The following UTRN variants were observed in gnomAD, a reference collection of about 807,000 sequenced individuals.
UTRN encodes dystrophin-related protein 1.
Under a neutral mutation model 463.9 loss-of-function variants are expected in UTRN, and 283 were observed. The ratio of observed to expected loss-of-function variants is 0.61; its 90% CI spans 0.55 to 0.67. The LOEUF (loss-of-function observed/expected upper bound fraction) is 0.67, where lower values mean the gene tolerates loss of function less well. Among genes scored for constraint, UTRN ranks in the 30% least tolerant of loss-of-function variants. UTRN has a pLI of 0.00. For synonymous variants in UTRN, 1,442 were observed against 1,431.5 expected (o/e 1.01, Z -0.17); for missense variants, 3,922 against 4,084.3 (o/e 0.96, Z 1.08).
At chr6:144,469,909 C>G (rs190078149) in intron 23 of UTRN, among the ~76,000 whole-genome samples, 4 of 151,870 alleles carry the variant, frequency 2.6e-5, no homozygotes, top group Non-Finnish European at 4.4e-5. Context: ...TGACTCTTAA[C>G]GAGCATGCTG....
chr6:144,690,704 C>G (rs1324619066), intron 52 of UTRN, among the ~76,000 whole-genome samples: 1 of 152,164 alleles, frequency 6.6e-6, no homozygotes, highest in Non-Finnish European at 1.5e-5. Context: ...AGTGCACACA[C>G]AGCACATCCC....
intron 51 of UTRN, among the ~76,000 whole-genome samples, chr6:144,581,304 ATTG>A (rs1471717643): frequency 3.3e-5 from 5 of 152,162 alleles, no homozygotes; most frequent in Non-Finnish European, 7.4e-5. Context: ...ATTCTAAAAG[ATTG>A]TTATTCTTTT....
chr6:144,663,360 C>T (rs751545967), intron 51 of UTRN, among the ~76,000 whole-genome samples: 24 of 116,480 alleles, frequency 2.1e-4, no homozygotes, highest in Non-Finnish European at 4.7e-4. Flanking sequence ...CAACACACCT[C>T]TCTGAGATCC....
At chr6:144,608,724 G>C (rs982934446) in intron 51 of UTRN, among the ~76,000 whole-genome samples, 1 of 152,142 alleles carries the variant, frequency 6.6e-6, no homozygotes, top group Non-Finnish European at 1.5e-5. Flanking sequence ...AAAAGTTCTT[G>C]TGTGGCTATT....
intron 2 of UTRN, among the ~76,000 whole-genome samples, chr6:144,373,985 T>C (rs1420856661): frequency 6.6e-6 from 1 of 152,212 alleles, no homozygotes; most frequent in Non-Finnish European, 1.5e-5. Context: ...GTGTTATCCA[T>C]TTGCTTACAC....
chr6:144,327,562 G>A (rs1015225142), intron 2 of UTRN, among the ~76,000 whole-genome samples: 3 of 152,088 alleles, frequency 2.0e-5, no homozygotes, highest in African/African-American at 7.2e-5. Context: ...GATTTTAATG[G>A]TTGGCTGATT....
At chr6:144,310,948 A>G (rs1806212353) in intron 2 of UTRN, among the ~76,000 whole-genome samples, 1 of 152,242 alleles carries the variant, frequency 6.6e-6, no homozygotes, top group Non-Finnish European at 1.5e-5. Flanking sequence ...TTCAACAGGC[A>G]GTCATGAAAT....
chr6:144,753,168 A>G (rs1791590169), intron 56 of UTRN, among the ~76,000 whole-genome samples: 1 of 152,214 alleles, frequency 6.6e-6, no homozygotes, highest in Non-Finnish European at 1.5e-5. Flanking sequence ...TTGTCCCTCT[A>G]AGTGGAACAG....
At chr6:144,771,429 A>ATTT (rs1793988871) in intron 58 of UTRN, among the ~76,000 whole-genome samples, 2 of 151,754 alleles carry the variant, frequency 1.3e-5, no homozygotes, top group African/African-American at 4.8e-5. Context: ...TATTATTAAT[A>ATTT]TTTTTTATTT....
chr6:144,804,745 A>G (rs1243323256), intron 65 of UTRN, among the ~76,000 whole-genome samples: 1 of 152,128 alleles, frequency 6.6e-6, no homozygotes, highest in Middle Eastern at 3.2e-3. Context: ...TTACATTTCA[A>G]AGAAATGGTT....
intron 2 of UTRN, among the ~76,000 whole-genome samples, chr6:144,329,542 A>G (rs151186627): frequency 6.6e-6 from 1 of 152,222 alleles, no homozygotes; most frequent in East Asian, 1.9e-4. Context: ...CTGAAATAAC[A>G]ACGAGCCAAA....
intron 34 of UTRN, among the ~76,000 whole-genome samples, chr6:144,503,710 G>A (rs1794435305): frequency 6.6e-6 from 1 of 152,086 alleles, no homozygotes; most frequent in Non-Finnish European, 1.5e-5. Context: ...TTTTGCTTAG[G>A]ATTTTCTTGG....
intron 44 of UTRN, 49 bp from the exon 45 acceptor site, chr6:144,539,245 T>G (rs898116872): frequency 6.7e-7 from 1 of 1,503,492 alleles, no homozygotes; most frequent in African/African-American, 1.4e-5. Context: ...TCTTGAATTT[T>G]CCCTTATCTG....
chr6:144,757,236 T>TAAAAAA (rs375711274), intron 57 of UTRN, among the ~76,000 whole-genome samples: 12 of 115,526 alleles, frequency 1.0e-4, no homozygotes, highest in Admixed American at 3.6e-4. Context: ...ACTAGAATTG[T>TAAAAAA]AAAAAAAAAA....
At chr6:144,509,207 C>T (rs1208102509) in intron 34 of UTRN, among the ~76,000 whole-genome samples, 1 of 152,106 alleles carries the variant, frequency 6.6e-6, no homozygotes, top group East Asian at 1.9e-4. Context: ...CACATTCCTA[C>T]ATAATGTTTT....
chr6:144,582,146 A>G (rs186010325), intron 51 of UTRN, among the ~76,000 whole-genome samples: 18 of 152,342 alleles, frequency 1.2e-4, no homozygotes, highest in Non-Finnish European at 2.4e-4. Context: ...AAGACACAAT[A>G]TAGGACTTTA....
intron 14 of UTRN, 45 bp from the exon 15 acceptor site, chr6:144,447,166 C>A: frequency 6.5e-7 from 1 of 1,549,186 alleles, no homozygotes; most frequent in South Asian, 1.2e-5. Context: ...ATTGAATTAC[C>A]AAATGATTTT....
chr6:144,313,700 C>T (rs1775088877), intron 2 of UTRN, among the ~76,000 whole-genome samples: 1 of 152,214 alleles, frequency 6.6e-6, no homozygotes, highest in African/African-American at 2.4e-5. Flanking sequence ...GCAGTGAGTA[C>T]TAGGACCCTG....
At chr6:144,451,663 T>A (rs1788318502) in intron 18 of UTRN, among the ~76,000 whole-genome samples, 170 bp downstream of exon 18, 1 of 150,504 alleles carries the variant, frequency 6.6e-6, no homozygotes, top group African/African-American at 2.5e-5. Flanking sequence ...ATGCTAGCTG[T>A]CATCAGATCC....
Sources: allele counts gnomAD v4.1 joint callset (sites outside exome capture counted in the v4.1 genomes callset), GRCh38; gene constraint gnomAD v4.1.1; transcripts MANE v1.5; gene names NCBI Gene and HGNC (gene_info 2026-07-23, HGNC 2026-07-21).